The following NOTCH2NLA variants were observed in gnomAD, a reference collection of about 807,000 sequenced individuals.
NOTCH2NLA encodes notch 2 N-terminal like A, also known as notch homolog 2 N-terminal-like protein A.
intron 2 of NOTCH2NLA, among the ~76,000 whole-genome samples, chr1:146,187,569 C>T (rs1662843873): frequency 7.4e-6 from 1 of 135,572 alleles, no homozygotes; most frequent in South Asian, 2.3e-4. Context: ...CATTGCTGAA[C>T]AATAACTACA....
chr1:146,175,356 C>A (rs1358436616), intron 2 of NOTCH2NLA, among the ~76,000 whole-genome samples: 1 of 132,154 alleles, frequency 7.6e-6, no homozygotes, highest in Non-Finnish European at 1.7e-5. Flanking sequence ...CTACTCTCAA[C>A]CCCCCCTTCT....
At chr1:146,180,500 A>G (rs1662494791) in intron 2 of NOTCH2NLA, among the ~76,000 whole-genome samples, 1 of 142,504 alleles carries the variant, frequency 7.0e-6, no homozygotes, top group Non-Finnish European at 1.6e-5. Flanking sequence ...AGAATTGGCA[A>G]TACATTTTTG....
In NOTCH2NLA at chr1:146,159,340, GAAGA is replaced by G. The variant is rs10625864; in HGVS notation, c.299-2529_299-2526del. On this transcript the variant is annotated intron_variant, in intron 3 of 4. Coordinates refer to ENST00000362074, the Ensembl canonical transcript of NOTCH2NLA. ...GCCACTGTACTAAGCAACAGAGTGAGAAGAAAGAAAGACAGAAAGAGAGAGGGAA... is the reference window on the plus strand; with the variant it reads ...GCCACTGTACTAAGCAACAGAGTGAGAAGAAAGACAGAAAGAGAGAGGGAA... Among the ~76,000 whole-genome samples, 379 of 148,084 alleles carry G rather than the reference GAAGA, an allele frequency of 2.6e-3. 5 individuals carry two copies. The highest frequency in any genetic ancestry group is 7.8e-3 in the African/African-American group (313 of 40,116).
chr1:146,159,381 G>A (rs1553803684), intron 3 of NOTCH2NLA, among the ~76,000 whole-genome samples: 1 of 137,834 alleles, frequency 7.3e-6, no homozygotes, highest in African/African-American at 2.7e-5. Context: ...GAGAGAGGAA[G>A]AGAGAAAGAG....
rs868913260 is a variant in NOTCH2NLA at position 146,174,770 on chromosome 1, G to T, written c.39-9760C>A. On this transcript the variant is annotated intron_variant, in intron 2 of 4. Transcript: ENST00000362074. Reference sequence around the variant, plus strand: ...AGCCTGCCCTAGCTGAGCTCTAGAGGGGGGAGCTGTCGTTAAGGTAAATGA... The same window carrying T: ...AGCCTGCCCTAGCTGAGCTCTAGAGTGGGGAGCTGTCGTTAAGGTAAATGA... Among the ~76,000 whole-genome samples the T allele has an allele frequency of 5.2e-3, 734 of 142,254 alleles. 8 individuals are homozygous for T. The highest frequency in any genetic ancestry group is 0.017 in the African/African-American group (693 of 40,778). The allele number at this position is 142,254 out of a possible 152,430, so 93.3% of individuals were successfully genotyped here. A position where few individuals can be genotyped will look rare whatever the true frequency, so the allele number is the denominator to read the frequency against.
intron 2 of NOTCH2NLA, among the ~76,000 whole-genome samples, chr1:146,171,449 C>T (rs1661977485): frequency 7.4e-6 from 1 of 135,318 alleles, no homozygotes; most frequent in African/African-American, 2.5e-5. Flanking sequence ...AAAAAATTCA[C>T]AGCTAGTAGA....
chr1:146,164,653 TG>T, intron 3 of NOTCH2NLA, 97 bp downstream of exon 3: 5 of 759,546 alleles, frequency 6.6e-6, no homozygotes, highest in South Asian at 3.1e-5. Flanking sequence ...GCACCAGAGC[TG>T]GGGGACATTT....
rs1403732611 is a variant in NOTCH2NLA at position 146,185,573 on chromosome 1, T to C, written c.38+3727A>G. 1.5e-5 allele frequency among the ~76,000 whole-genome samples: 2 copies of C among 135,898 alleles called. 1 individual carries two copies. The highest frequency in any genetic ancestry group is 3.4e-5 in the Non-Finnish European group (2 of 58,672). The allele number at this position is 135,898 out of a possible 152,430, so 89.2% of individuals were successfully genotyped here. A position where few individuals can be genotyped will look rare whatever the true frequency, so the allele number is the denominator to read the frequency against. On this transcript the variant is annotated intron_variant, in intron 2 of 4. Transcript: ENST00000362074. ...TGAGTACAAAACTAATCTTCAAAAG[T>C]AGTTATCTTCATCTGTCAATGTGAT...
At chr1:146,187,820 A>T (rs1571310117) in intron 2 of NOTCH2NLA, among the ~76,000 whole-genome samples, 2 of 136,732 alleles carry the variant, frequency 1.5e-5, no homozygotes, top group East Asian at 4.0e-4. Context: ...TTGTATCTCC[A>T]TTCTTAGAGG....
intron 2 of NOTCH2NLA, among the ~76,000 whole-genome samples, chr1:146,186,894 A>C (rs1458264982): frequency 3.7e-5 from 5 of 135,632 alleles, no homozygotes; most frequent in African/African-American, 1.2e-4. Flanking sequence ...AAGTTTTGGG[A>C]TACATGTGCA....
chr1:146,159,393 GAGAAAGAAAGAAAGAAAGAA>G (rs201617510), intron 3 of NOTCH2NLA, among the ~76,000 whole-genome samples: 38 of 111,146 alleles, frequency 3.4e-4, no homozygotes, highest in South Asian at 1.6e-3. Flanking sequence ...GAGAAAGAGA[GAGAAAGAAAGAAAGAAAGAA>G]AGAAAGAAAG....
At chr1:146,159,456 A>AG (rs1661376677) in intron 3 of NOTCH2NLA, among the ~76,000 whole-genome samples, 3 of 151,290 alleles carry the variant, frequency 2.0e-5, no homozygotes, top group Non-Finnish European at 4.4e-5. Context: ...AGAGAAAGAA[A>AG]GAAAGAAAGG....
At chr1:146,180,077 C>A (rs1662468171) in intron 2 of NOTCH2NLA, among the ~76,000 whole-genome samples, 1 of 141,964 alleles carries the variant, frequency 7.0e-6, no homozygotes. Context: ...AAAAATTAAA[C>A]TTTTGTTTGA....
At chr1:146,174,770 G>A (rs868913260) in intron 2 of NOTCH2NLA, among the ~76,000 whole-genome samples, 3 of 142,296 alleles carry the variant, frequency 2.1e-5, no homozygotes, top group Admixed American at 7.3e-5. Context: ...AGCTCTAGAG[G>A]GGGGAGCTGT....
intron 3 of NOTCH2NLA, among the ~76,000 whole-genome samples, chr1:146,158,243 G>A (rs1429687408): frequency 4.7e-5 from 7 of 148,720 alleles, no homozygotes; most frequent in African/African-American, 1.7e-4. Context: ...GTATATATGT[G>A]CCATGTTGGT....
intron 2 of NOTCH2NLA, among the ~76,000 whole-genome samples, chr1:146,180,199 C>G (rs61813166): frequency 7.0e-6 from 1 of 142,698 alleles, no homozygotes; most frequent in East Asian, 1.9e-4. Flanking sequence ...GATTTAATAC[C>G]CTAAATGCTA....
At chr1:146,228,305 C>T (rs1344941642) in intron 1 of NOTCH2NLA, 1 of 947,440 alleles carries the variant, frequency 1.1e-6, no homozygotes, top group African/African-American at 1.8e-5. Flanking sequence ...TTCCTTCGCT[C>T]AGCCCCTCCG....
intron 2 of NOTCH2NLA, among the ~76,000 whole-genome samples, chr1:146,186,468 C>T (rs112971549): frequency 0.027 from 3,141 of 115,028 alleles, 1 homozygote; most frequent in Non-Finnish European, 0.042. Context: ...CATTCTCCTG[C>T]CTCAGCCTCC....
chr1:146,187,040 CCT>C lies in NOTCH2NLA; in HGVS notation c.38+2258_38+2259del, dbSNP rs1212372175. Among the ~76,000 whole-genome samples, 32 of 128,410 alleles carry C rather than the reference CCT, an allele frequency of 2.5e-4. 5 individuals carry two copies. Among genetic ancestry groups the C allele is most frequent in the Non-Finnish European group, 4.7e-4 (26 of 55,350 alleles). 84.2% of individuals were successfully genotyped at this position (128,410 alleles called of 152,430 possible). On this transcript the variant is annotated intron_variant, in intron 2 of 4. Transcript: ENST00000362074. ...CTCTCCCTCCCCTTTCCCCCCACCC[CCT>C]GACAGGCTCCAGTGTGTGATGTTCC...
Sources: gnomAD v4.1 joint callset for allele counts (sites outside exome capture counted in the v4.1 genomes callset) on GRCh38, gnomAD v4.1.1 for gene constraint, MANE v1.5 for transcripts, NCBI Gene and HGNC (gene_info 2026-07-23, HGNC 2026-07-21) for gene names.